Variants in DPP10 observed in about 807,000 individuals in gnomAD.
The protein encoded by DPP10 is dipeptidyl peptidase like 10, also known as inactive dipeptidyl peptidase 10.
A neutral mutation model predicts 120.9 loss-of-function variants in DPP10; 33 were observed. The observed-to-expected ratio is 0.27, with a 90% CI of 0.21 to 0.37. The LOEUF is 0.37. Ranked by LOEUF, DPP10 falls within the 10% of genes least tolerant of loss-of-function variation. The pLI is 1.00. For synonymous variants in DPP10, 337 were observed against 326.1 expected (o/e 1.03, Z -0.36); for missense variants, 816 against 942.8 (o/e 0.87, Z 1.76).
At chr2:114,573,176 T>C (rs959419807) in intron 1 of DPP10, among the ~76,000 whole-genome samples, 1 of 152,172 alleles carries the variant, frequency 6.6e-6, no homozygotes, top group African/African-American at 2.4e-5. Context: ...AGAGACAGCA[T>C]CTTGCTTATG....
At chr2:115,328,869 C>T (rs79404955) in intron 2 of DPP10, among the ~76,000 whole-genome samples, 2,578 of 152,100 alleles carry the variant, frequency 0.017, 72 homozygotes, top group African/African-American at 0.058. Flanking sequence ...AGTGATCTAA[C>T]CAAAGAGATA....
intron 4 of DPP10, among the ~76,000 whole-genome samples, chr2:115,525,273 G>A (rs558886359): frequency 1.6e-4 from 25 of 151,984 alleles, no homozygotes; most frequent in South Asian, 8.3e-4. Flanking sequence ...GAATGTATTT[G>A]TTTCATTGTG....
At chr2:115,523,657 A>C (rs1243757697) in intron 4 of DPP10, among the ~76,000 whole-genome samples, 1 of 152,092 alleles carries the variant, frequency 6.6e-6, no homozygotes, top group Non-Finnish European at 1.5e-5. Context: ...CTGATACTAT[A>C]ATGTTGGATA....
intron 1 of DPP10, among the ~76,000 whole-genome samples, chr2:114,470,268 C>A (rs1425003513): frequency 6.6e-6 from 1 of 151,992 alleles, no homozygotes; most frequent in African/African-American, 2.4e-5. Context: ...TTTTTTTAAT[C>A]ATTTGAATTT....
At chr2:115,727,131 G>T (rs2092784698) in intron 7 of DPP10, among the ~76,000 whole-genome samples, 1 of 152,066 alleles carries the variant, frequency 6.6e-6, no homozygotes, top group Admixed American at 6.6e-5. Flanking sequence ...CATTGTTCCT[G>T]TTGTTGGGGC....
chr2:114,957,868 C>T (rs1262441237), intron 1 of DPP10, among the ~76,000 whole-genome samples: 1 of 152,138 alleles, frequency 6.6e-6, no homozygotes, highest in Non-Finnish European at 1.5e-5. Flanking sequence ...AGACAAATAT[C>T]ACATAATGTC....
chr2:115,158,404 G>T lies in DPP10; in HGVS notation c.61-150835G>T, dbSNP rs541097874. Among the ~76,000 whole-genome samples, 14 of 152,296 alleles carry T rather than the reference G, an allele frequency of 9.2e-5. No homozygotes were observed. In the East Asian group the frequency reaches 2.7e-3, roughly 29 times the overall value. On this transcript the variant is annotated intron_variant, in intron 1 of 25. Transcript: ENST00000410059. ...AGACATTGTAGATATTCACAATGTT[G>T]TATGTGAGGAAGTTTTTGAATGGCT... is the stretch of plus-strand genomic sequence containing the variant.
intron 1 of DPP10, among the ~76,000 whole-genome samples, chr2:115,233,214 T>A (rs373227499): frequency 6.2e-4 from 8 of 12,860 alleles, no homozygotes; most frequent in African/African-American, 1.0e-3. Context: ...GTATATTGAG[T>A]GTGTGTGTGT....
At chr2:115,656,300 G>A (rs1487362141) in intron 5 of DPP10, among the ~76,000 whole-genome samples, 3 of 151,492 alleles carry the variant, frequency 2.0e-5, no homozygotes, top group East Asian at 1.9e-4. Context: ...TAATACAATG[G>A]AAAATTCAGA....
At chr2:114,702,602 C>T (rs1700451101) in intron 1 of DPP10, among the ~76,000 whole-genome samples, 1 of 152,106 alleles carries the variant, frequency 6.6e-6, no homozygotes, top group South Asian at 2.1e-4. Flanking sequence ...GTCCATGAGG[C>T]CATTTGAAGA....
intron 1 of DPP10, among the ~76,000 whole-genome samples, chr2:115,143,505 C>T (rs569407675): frequency 1.3e-5 from 2 of 152,124 alleles, no homozygotes; most frequent in African/African-American, 4.8e-5. Context: ...ATAAATGGAT[C>T]TGATAAGTGG....
intron 1 of DPP10, among the ~76,000 whole-genome samples, chr2:115,153,380 G>T (rs12467107): frequency 6.6e-6 from 1 of 152,118 alleles, no homozygotes; most frequent in Non-Finnish European, 1.5e-5. Context: ...TCTTATGTTG[G>T]TCCACTGTAG....
intron 4 of DPP10, among the ~76,000 whole-genome samples, chr2:115,519,916 A>G (rs185224708): frequency 5.3e-5 from 8 of 152,364 alleles, no homozygotes. Context: ...ATGTTTCAAA[A>G]TTAACATCTT....
intron 3 of DPP10, among the ~76,000 whole-genome samples, chr2:115,359,166 C>T (rs1462849008): frequency 6.6e-6 from 1 of 152,118 alleles, no homozygotes; most frequent in Non-Finnish European, 1.5e-5. Context: ...GAATTTGACC[C>T]TGTGATCATG....
intron 1 of DPP10, among the ~76,000 whole-genome samples, chr2:114,522,264 G>C: frequency 6.6e-6 from 1 of 152,100 alleles, no homozygotes. Context: ...GATTACAGGC[G>C]TGAGCCACCG....
At chr2:114,497,723 T>C (rs60588561) in intron 1 of DPP10, among the ~76,000 whole-genome samples, 2,964 of 152,284 alleles carry the variant, frequency 0.019, 99 homozygotes, top group African/African-American at 0.067. Flanking sequence ...AGTCAGTAAG[T>C]AGCGGATAGG....
At position 114,813,715 on chromosome 2, in the gene DPP10, A is replaced by AT. The variant is rs538086215; in HGVS notation, c.60+370877_60+370878insT. ...CAGAAGCATTATGTCTATGGAATTA[A>AT]ATTTTTTTTTTTTTTCACTGTACAG... On this transcript the variant is annotated intron_variant, in intron 1 of 25. Transcript: ENST00000410059. 4.5e-3 allele frequency among the ~76,000 whole-genome samples: 510 copies of AT among 112,270 alleles called. 2 individuals carry two copies. The highest frequency in any genetic ancestry group is 7.4e-3 in the Non-Finnish European group (387 of 52,378). The allele number at this position is 112,270 out of a possible 152,430, so 73.7% of individuals were successfully genotyped here. A position where few individuals can be genotyped will look rare whatever the true frequency, so the allele number is the denominator to read the frequency against.
intron 1 of DPP10, among the ~76,000 whole-genome samples, chr2:115,007,511 T>C (rs894732284): frequency 1.3e-5 from 2 of 150,994 alleles, no homozygotes; most frequent in African/African-American, 4.9e-5. Context: ...CTTTGAAAAC[T>C]GGCACAAGAC....
At chr2:114,874,096 G>A (rs937010661) in intron 1 of DPP10, among the ~76,000 whole-genome samples, 1 of 152,160 alleles carries the variant, frequency 6.6e-6, no homozygotes, top group Non-Finnish European at 1.5e-5. Flanking sequence ...AACATTAGCA[G>A]AGATTTTGGA....
Sources: gnomAD v4.1 joint callset for allele counts (sites outside exome capture counted in the v4.1 genomes callset) on GRCh38, gnomAD v4.1.1 for gene constraint, MANE v1.5 for transcripts, NCBI Gene and HGNC (gene_info 2026-07-23, HGNC 2026-07-21) for gene names.